Variants in CEP97 observed in about 807,000 individuals in gnomAD.
CEP97 encodes centrosomal protein 97.
Under a neutral mutation model 73.1 loss-of-function variants are expected in CEP97, and 43 were observed. That is an observed-to-expected ratio of 0.59 (90% CI 0.46 to 0.76). CEP97 has a LOEUF of 0.76. CEP97 is among the 30% of genes least tolerant of loss of function. The probability of loss-of-function intolerance (pLI) is 0.00; values close to 1 mark genes in which losing one functional copy is unlikely to be tolerated. For synonymous variants in CEP97, 337 were observed against 370.0 expected (o/e 0.91, Z 1.02); for missense variants, 939 against 1,014.0 (o/e 0.93, Z 1.00).
chr3:101,766,821 G>A lies in CEP97; in HGVS notation c.*1270G>A, dbSNP rs1939330911. ...AATACTTAAGCATCTCTAAATTTAGGTGCTAAATATCTATTATTCTGTTGT... is the reference window on the plus strand; with the variant it reads ...AATACTTAAGCATCTCTAAATTTAGATGCTAAATATCTATTATTCTGTTGT... On this transcript the variant is annotated 3_prime_UTR_variant, in exon 11 of 11. Transcript: ENST00000341893. 6.6e-6 allele frequency: 1 copy of A among 152,094 alleles called. No homozygotes were observed. The highest frequency in any genetic ancestry group is 1.5e-5 in the Non-Finnish European group (1 of 68,020). The allele number at this position is 152,094 out of a possible 1,614,324, so 9.4% of individuals were successfully genotyped here.
intron 7 of CEP97, among the ~76,000 whole-genome samples, chr3:101,756,661 C>T (rs751001627): frequency 4.6e-5 from 7 of 152,164 alleles, no homozygotes; most frequent in Non-Finnish European, 1.5e-5. Flanking sequence ...TACAGGTGCG[C>T]GACACCGTGC....
intron 6 of CEP97, among the ~76,000 whole-genome samples, chr3:101,749,292 A>C (rs1387505608): frequency 6.6e-6 from 1 of 150,714 alleles, no homozygotes; most frequent in South Asian, 2.1e-4. Flanking sequence ...ATAATTTCCA[A>C]TTTCATCCAT....
chr3:101,758,025 A>C lies in CEP97; in HGVS notation c.1419A>C (p.Thr473=). ...SVQMMRSEIN[T]EVNEKAGLLP... is the part of the protein sequence containing the mutation. ...AAATGATGAGAAGTGAAATCAATAC[A>C]GAGGTAAATGAGAAAGCTGGACTAT... The change falls in exon 9 of 11, where the codon ACA becomes ACC. Residue 473 remains threonine, a synonymous_variant. Coordinates refer to ENST00000341893, the MANE Select transcript of CEP97 (RefSeq NM_024548.4). 1 of 1,614,250 alleles carries C rather than the reference A, an allele frequency of 6.2e-7. No individual in the cohort carries two copies. Among genetic ancestry groups the C allele is most frequent in the Non-Finnish European group, 8.5e-7 (1 of 1,180,046 alleles).
At chr3:101,751,964 G>C (rs1030832125) in intron 6 of CEP97, among the ~76,000 whole-genome samples, 102 of 152,256 alleles carry the variant, frequency 6.7e-4, no homozygotes, top group African/African-American at 2.4e-3. Flanking sequence ...TATGATGTTA[G>C]CTGTTTATTT....
intron 6 of CEP97, among the ~76,000 whole-genome samples, chr3:101,735,772 C>T (rs950599926): frequency 2.0e-5 from 3 of 152,120 alleles, no homozygotes; most frequent in East Asian, 1.9e-4. Flanking sequence ...AGTGGGTGGC[C>T]GTTGGGCAGA....
At chr3:101,738,223 G>T (rs893306188) in intron 6 of CEP97, among the ~76,000 whole-genome samples, 1 of 152,078 alleles carries the variant, frequency 6.6e-6, no homozygotes, top group Non-Finnish European at 1.5e-5. Flanking sequence ...CTTACAAAGA[G>T]ACTTAGACTC....
intron 5 of CEP97, among the ~76,000 whole-genome samples, chr3:101,732,206 G>C (rs967273027): frequency 9.2e-5 from 14 of 152,138 alleles, no homozygotes; most frequent in African/African-American, 3.4e-4. Flanking sequence ...ACGTTATAAG[G>C]GTTTATAAGA....
In CEP97 at chr3:101,762,513, AT is replaced by A; in HGVS notation, c.1848del (p.Lys618AsnfsTer15). The part of the protein sequence containing the change: ...RLRKERDEER[I>X]KKFVQEEAFR... Reference sequence around the variant, plus strand: ...ACGAAAAGAAAGAGATGAAGAACGTATTAAAAAATTTGTACAAGAAGAAGCT... The same window carrying A: ...ACGAAAAGAAAGAGATGAAGAACGTATAAAAAATTTGTACAAGAAGAAGCT... On this transcript the variant is annotated frameshift_variant, in exon 10 of 11. Coordinates refer to ENST00000341893, the MANE Select transcript of CEP97 (RefSeq NM_024548.4). LOFTEE classifies it low-confidence loss of function (END_TRUNC). 2 of 1,611,080 alleles carry A rather than the reference AT, an allele frequency of 1.2e-6. No homozygotes were observed. Among genetic ancestry groups the A allele is most frequent in the Non-Finnish European group, 1.7e-6 (2 of 1,178,404 alleles).
chr3:101,726,855 AT>A (rs1937908609), intron 2 of CEP97, 119 bp downstream of exon 2: 1 of 628,492 alleles, frequency 1.6e-6, no homozygotes, highest in Non-Finnish European at 2.6e-6. Context: ...GTTGCCTTAA[AT>A]TTTTACATGA....
intron 6 of CEP97, among the ~76,000 whole-genome samples, chr3:101,747,405 G>A (rs549400158): frequency 2.6e-4 from 38 of 148,194 alleles, no homozygotes; most frequent in African/African-American, 7.7e-4. Flanking sequence ...GACTATAGGC[G>A]CCTGCCACCA....
At position 101,769,664 on chromosome 3, in the gene CEP97, C is replaced by T. The variant is rs1374810218; in HGVS notation, c.*4113C>T. Reference sequence around the variant, plus strand: ...TTTTTATTTTTTCCAAACACCAGCTCGAATCAGAGTATATTTTTATTTTGC... The same window carrying T: ...TTTTTATTTTTTCCAAACACCAGCTTGAATCAGAGTATATTTTTATTTTGC... On this transcript the variant is annotated 3_prime_UTR_variant, in exon 11 of 11. Coordinates refer to ENST00000341893, the MANE Select transcript of CEP97 (RefSeq NM_024548.4). 2.0e-5 allele frequency: 3 copies of T among 151,894 alleles called. No homozygotes were observed. Among genetic ancestry groups the T allele is most frequent in the African/African-American group, 7.3e-5 (3 of 41,336 alleles). 9.4% of individuals were successfully genotyped at this position (151,894 alleles called of 1,614,324 possible).
chr3:101,742,143 A>T (rs1300030041), intron 6 of CEP97, among the ~76,000 whole-genome samples: 1 of 152,128 alleles, frequency 6.6e-6, no homozygotes, highest in East Asian at 1.9e-4. Context: ...TGTTGGTGGG[A>T]GTGTAAGTTC....
At chr3:101,762,628 C>A in intron 10 of CEP97, 68 bp downstream of exon 10, 2 of 1,233,214 alleles carry the variant, frequency 1.6e-6, no homozygotes, top group South Asian at 2.7e-5. Flanking sequence ...TTGAGATAAT[C>A]ATAGAGTACT....
intron 6 of CEP97, among the ~76,000 whole-genome samples, chr3:101,748,252 G>A (rs551186995): frequency 2.7e-5 from 4 of 146,416 alleles, no homozygotes; most frequent in Admixed American, 6.9e-5. Context: ...TTTTTTTTAC[G>A]TAGGATTTAA....
rs765614535 is a variant in CEP97, at chr3:101,731,884, A to G, written c.492A>G (p.Ala164=). Residue 164 remains alanine (A), a synonymous_variant, in exon 5 of 11, where the codon GCA becomes GCG. Transcript: ENST00000341893. Reference sequence around the variant, plus strand: ...ACATCATCACCTCTCTTAGAATGGCACCTGCTTACCTACCCAGAAGTCTTG... The same window carrying G: ...ACATCATCACCTCTCTTAGAATGGCGCCTGCTTACCTACCCAGAAGTCTTG... ...HGNIITSLRM[A]PAYLPRSLAI... 22 of 1,611,772 alleles carry G rather than the reference A, an allele frequency of 1.4e-5. No individual in the cohort carries two copies. The South Asian group carries it at 2.4e-4, about 18-fold the overall frequency.
intron 6 of CEP97, among the ~76,000 whole-genome samples, chr3:101,754,609 G>T (rs1938951828): frequency 6.6e-6 from 1 of 152,156 alleles, no homozygotes; most frequent in Admixed American, 6.5e-5. Flanking sequence ...TCACAGATGG[G>T]GCTAGAGTCA....
chr3:101,749,557 G>C (rs1032444083), intron 6 of CEP97, among the ~76,000 whole-genome samples: 7 of 130,998 alleles, frequency 5.3e-5, no homozygotes, highest in African/African-American at 8.7e-5. Flanking sequence ...CTAGATTCCT[G>C]AGGAATCGCC....
At chr3:101,746,075 G>A (rs901778989) in intron 6 of CEP97, among the ~76,000 whole-genome samples, 3 of 152,320 alleles carry the variant, frequency 2.0e-5, no homozygotes, top group Admixed American at 6.5e-5. Context: ...TCCCTACAAA[G>A]GACATGAACT....
rs1939412165 is a variant in CEP97 at position 101,769,689 on chromosome 3, C to T, written c.*4138C>T. On this transcript the variant is annotated 3_prime_UTR_variant, in exon 11 of 11. Coordinates refer to ENST00000341893, the MANE Select transcript of CEP97 (RefSeq NM_024548.4). The stretch of plus-strand genomic sequence containing the variant: ...CGAATCAGAGTATATTTTTATTTTG[C>T]CACATACCTTTAAAAGGTATTTATT... 6.6e-6 allele frequency: 1 copy of T among 151,876 alleles called. No homozygotes were observed. The highest frequency in any genetic ancestry group is 2.1e-4 in the South Asian group (1 of 4,810). The allele number at this position is 151,876 out of a possible 1,614,324, so 9.4% of individuals were successfully genotyped here.
Sources: allele counts gnomAD v4.1 joint callset (sites outside exome capture counted in the v4.1 genomes callset), GRCh38; gene constraint gnomAD v4.1.1; transcripts MANE v1.5; gene names NCBI Gene and HGNC (gene_info 2026-07-23, HGNC 2026-07-21).